Variants in GPM6A observed in about 807,000 individuals in gnomAD.
GPM6A encodes the protein glycoprotein M6A.
Under a neutral mutation model 32.1 loss-of-function variants are expected in GPM6A, and 7 were observed. The observed-to-expected ratio is 0.22, with a 90% CI of 0.12 to 0.41. The LOEUF is 0.41. GPM6A is among the 10% of genes least tolerant of loss of function. The pLI is 1.00. For synonymous variants in GPM6A, 130 were observed against 123.4 expected, an observed-to-expected ratio of 1.05 and a Z score of -0.35; for missense variants, 235 against 347.2, an observed-to-expected ratio of 0.68 and a Z score of 2.57.
chr4:175,826,448 A>G (rs1370852045), intron 1 of GPM6A, among the ~76,000 whole-genome samples: 4 of 151,994 alleles, frequency 2.6e-5, no homozygotes, highest in African/African-American at 9.7e-5. Context: ...ATGTAATACT[A>G]TTATGTGGTC....
chr4:175,763,366 TCA>T (rs956476893), intron 1 of GPM6A, among the ~76,000 whole-genome samples: 2 of 152,190 alleles, frequency 1.3e-5, no homozygotes, highest in Admixed American at 6.5e-5. Flanking sequence ...ATCAATGAAC[TCA>T]TAAAATTAGT....
At chr4:175,775,144 G>T (rs947482445) in intron 1 of GPM6A, among the ~76,000 whole-genome samples, 1 of 152,068 alleles carries the variant, frequency 6.6e-6, no homozygotes, top group African/African-American at 2.4e-5. Flanking sequence ...ATTTAGAATT[G>T]CTCTAGAACA....
At chr4:175,964,190 A>G (rs562306583) in intron 1 of GPM6A, among the ~76,000 whole-genome samples, 20 of 152,098 alleles carry the variant, frequency 1.3e-4, no homozygotes, top group Non-Finnish European at 2.9e-4. Flanking sequence ...TGATCTAACT[A>G]TATCAATAAT....
chr4:175,953,222 G>A (rs1739875990), intron 1 of GPM6A, among the ~76,000 whole-genome samples: 1 of 152,022 alleles, frequency 6.6e-6, no homozygotes, highest in Non-Finnish European at 1.5e-5. Flanking sequence ...ATATCAAACT[G>A]TTCCAAGAAT....
At chr4:175,878,843 T>C (rs1221782975) in intron 1 of GPM6A, among the ~76,000 whole-genome samples, 1 of 152,188 alleles carries the variant, frequency 6.6e-6, no homozygotes, top group Non-Finnish European at 1.5e-5. Context: ...TTCCAAACTT[T>C]TATGCTTTGC....
intron 1 of GPM6A, among the ~76,000 whole-genome samples, chr4:175,733,240 A>T (rs1464126557): frequency 6.6e-6 from 1 of 152,198 alleles, no homozygotes; most frequent in East Asian, 1.9e-4. Context: ...GCAGTGGCTC[A>T]CGCCTGTAAT....
At chr4:175,911,781 G>C (rs1048462766) in intron 1 of GPM6A, among the ~76,000 whole-genome samples, 13 of 152,152 alleles carry the variant, frequency 8.5e-5, no homozygotes, top group Admixed American at 5.2e-4. Flanking sequence ...ATATGTAAGA[G>C]AGACCAAACA....
At chr4:175,886,679 CAG>C (rs1272340688) in intron 1 of GPM6A, among the ~76,000 whole-genome samples, 1 of 148,290 alleles carries the variant, frequency 6.7e-6, no homozygotes, top group Non-Finnish European at 1.5e-5. Context: ...CGAAATACAA[CAG>C]AGAAAAAAAA....
At chr4:175,842,640 T>C (rs79004017) in intron 1 of GPM6A, among the ~76,000 whole-genome samples, 219 of 152,236 alleles carry the variant, frequency 1.4e-3, no homozygotes, top group African/African-American at 3.5e-3. Context: ...AATGCTTCAG[T>C]GAGCCTTGAC....
In GPM6A at chr4:175,743,788, A is replaced by T. The variant is rs34505822; in HGVS notation, c.38-42021T>A. On this transcript the variant is annotated intron_variant, in intron 1 of 6. Coordinates refer to ENST00000393658, the MANE Select transcript of GPM6A (RefSeq NM_201591.3). ...AAATAATTGCTAAAAATAAAGAAGG[A>T]CATTTCATCGACAGGCTTAATTCAA... Among the ~76,000 whole-genome samples the T allele has an allele frequency of 6.2e-3, 940 of 152,174 alleles. 4 individuals carry two copies. Among genetic ancestry groups the T allele is most frequent in the Non-Finnish European group, 0.011 (729 of 67,952 alleles).
chr4:175,674,873 T>C (rs1287002593), intron 2 of GPM6A, among the ~76,000 whole-genome samples: 1 of 151,634 alleles, frequency 6.6e-6, no homozygotes, highest in Non-Finnish European at 1.5e-5. Flanking sequence ...TTTCATTTTC[T>C]CACAATTGAT....
chr4:175,796,750 T>G (rs901852504), intron 1 of GPM6A, among the ~76,000 whole-genome samples: 2 of 152,198 alleles, frequency 1.3e-5, no homozygotes, highest in African/African-American at 4.8e-5. Context: ...GTTTAATTCC[T>G]ATGGGAACTC....
chr4:175,654,249 C>T (rs1741953697), intron 3 of GPM6A: 1 of 152,210 alleles, frequency 6.6e-6, no homozygotes, highest in South Asian at 2.1e-4. Context: ...ATATCACGTG[C>T]ATTTAGCAAT....
intron 1 of GPM6A, among the ~76,000 whole-genome samples, chr4:175,895,092 T>C (rs567551125): frequency 9.8e-5 from 15 of 152,306 alleles, no homozygotes; most frequent in African/African-American, 3.6e-4. Context: ...CAGTGAACTT[T>C]AAAGCAAACT....
intron 1 of GPM6A, among the ~76,000 whole-genome samples, chr4:175,973,495 A>C (rs975357797): frequency 6.6e-6 from 1 of 152,252 alleles, no homozygotes; most frequent in Admixed American, 6.5e-5. Context: ...AAAAGGGTCA[A>C]CTACATAATT....
At chr4:175,682,885 T>C (rs1743766614) in intron 2 of GPM6A, among the ~76,000 whole-genome samples, 1 of 152,116 alleles carries the variant, frequency 6.6e-6, no homozygotes, top group Admixed American at 6.5e-5. Flanking sequence ...CACAAGAACC[T>C]CTGCTAGATG....
intron 1 of GPM6A, among the ~76,000 whole-genome samples, chr4:175,996,689 T>C (rs1442140194): frequency 2.0e-5 from 3 of 152,226 alleles, no homozygotes; most frequent in East Asian, 1.9e-4. Flanking sequence ...GAAATTTTAG[T>C]GTGACTGTTT....
intron 2 of GPM6A, among the ~76,000 whole-genome samples, chr4:175,701,373 C>T (rs572782969): frequency 1.3e-5 from 2 of 152,222 alleles, no homozygotes; most frequent in South Asian, 2.1e-4. Context: ...CTGATTAAGT[C>T]GGCCTCTGAT....
intron 1 of GPM6A, among the ~76,000 whole-genome samples, chr4:175,785,115 A>G (rs573217144): frequency 2.6e-5 from 4 of 152,200 alleles, no homozygotes; most frequent in African/African-American, 9.7e-5. Context: ...AAGCTAGATC[A>G]TAAGAAACCT....
Sources: gnomAD v4.1 joint callset for allele counts (sites outside exome capture counted in the v4.1 genomes callset) on GRCh38, gnomAD v4.1.1 for gene constraint, MANE v1.5 for transcripts, NCBI Gene and HGNC (gene_info 2026-07-23, HGNC 2026-07-21) for gene names.